Variants in ENTREP2 observed in about 807,000 individuals in gnomAD.
The protein encoded by ENTREP2 is protein ENTREP2.
chr15:29,293,672 G>A, the ENTREP2 span, among the ~76,000 whole-genome samples: 6 of 152,176 alleles, frequency 3.9e-5, no homozygotes, highest in Admixed American at 1.3e-4. Context: ...TGTCCAGGCC[G>A]TCCCCTCTGT....
the ENTREP2 span, among the ~76,000 whole-genome samples, chr15:29,152,843 G>A: frequency 6.6e-6 from 1 of 152,146 alleles, no homozygotes; most frequent in Non-Finnish European, 1.5e-5. Context: ...TGCATGTTTA[G>A]TTTTATTTTA....
At chr15:29,501,151 C>T in the ENTREP2 span, among the ~76,000 whole-genome samples, 1 of 152,028 alleles carries the variant, frequency 6.6e-6, no homozygotes, top group Non-Finnish European at 1.5e-5. Context: ...AACATTATTT[C>T]TCAAACTCTT....
At chr15:29,292,756 A>G in the ENTREP2 span, among the ~76,000 whole-genome samples, 2 of 152,212 alleles carry the variant, frequency 1.3e-5, no homozygotes, top group East Asian at 3.9e-4. Context: ...TGGAAAATTT[A>G]TAAGGTCTCC....
chr15:29,308,658 C>G, the ENTREP2 span, among the ~76,000 whole-genome samples: 1 of 152,218 alleles, frequency 6.6e-6, no homozygotes, highest in Admixed American at 6.5e-5. Flanking sequence ...ATATATAAAG[C>G]AGCTGCAGTG....
At chr15:29,498,398 G>A in the ENTREP2 span, among the ~76,000 whole-genome samples, 1 of 151,908 alleles carries the variant, frequency 6.6e-6, no homozygotes, top group Non-Finnish European at 1.5e-5. Flanking sequence ...CCATTGGTTG[G>A]GAGTATGTTG....
At chr15:29,233,894 G>C in the ENTREP2 span, 1 of 1,578,846 alleles carries the variant, frequency 6.3e-7, no homozygotes, top group Non-Finnish European at 8.7e-7. Context: ...TGACATTGTA[G>C]AGGATGTAGA....
At chr15:29,627,180 C>T in the ENTREP2 span, among the ~76,000 whole-genome samples, 2 of 152,130 alleles carry the variant, frequency 1.3e-5, no homozygotes, top group Non-Finnish European at 2.9e-5. Flanking sequence ...CAGCTATGGG[C>T]ACTTTTATTT....
At chr15:29,440,332 T>C in the ENTREP2 span, among the ~76,000 whole-genome samples, 1 of 152,336 alleles carries the variant, frequency 6.6e-6, no homozygotes, top group African/African-American at 2.4e-5. Flanking sequence ...TTTCCTGTTC[T>C]AATGCCAGAT....
the ENTREP2 span, among the ~76,000 whole-genome samples, chr15:29,587,936 G>T: frequency 6.6e-6 from 1 of 152,186 alleles, no homozygotes; most frequent in Non-Finnish European, 1.5e-5. Flanking sequence ...TGGAATTACA[G>T]GTGTGAGCCA....
chr15:29,158,013 G>A, the ENTREP2 span, among the ~76,000 whole-genome samples: 1 of 152,024 alleles, frequency 6.6e-6, no homozygotes, highest in Non-Finnish European at 1.5e-5. Flanking sequence ...CACTGCTCCC[G>A]GCCAATAGCG....
At chr15:29,501,680 G>T in the ENTREP2 span, among the ~76,000 whole-genome samples, 1 of 152,098 alleles carries the variant, frequency 6.6e-6, no homozygotes, top group African/African-American at 2.4e-5. Context: ...AAAAAAGAAT[G>T]CTGTAGGCAA....
the ENTREP2 span, among the ~76,000 whole-genome samples, chr15:29,328,980 T>G: frequency 6.6e-6 from 1 of 152,192 alleles, no homozygotes; most frequent in Non-Finnish European, 1.5e-5. Flanking sequence ...GAACCCTATG[T>G]ATACTATGTG....
At chr15:29,353,689 TCTAAGC>T in the ENTREP2 span, among the ~76,000 whole-genome samples, 1 of 152,168 alleles carries the variant, frequency 6.6e-6, no homozygotes, top group African/African-American at 2.4e-5. Context: ...CTGGCTGTGT[TCTAAGC>T]CTTGCCACCA....
the ENTREP2 span, among the ~76,000 whole-genome samples, chr15:29,444,862 T>C: frequency 6.6e-6 from 1 of 152,194 alleles, no homozygotes; most frequent in Admixed American, 6.5e-5. Flanking sequence ...AGGGGGGCAC[T>C]GGCAGGCGGT....
chr15:29,231,733 A>G, the ENTREP2 span, among the ~76,000 whole-genome samples: 10 of 152,114 alleles, frequency 6.6e-5, no homozygotes, highest in Admixed American at 1.3e-4. Context: ...AAAACGCTTA[A>G]TTTCTTAGTT....
At chr15:29,204,000 C>T in the ENTREP2 span, among the ~76,000 whole-genome samples, 1 of 152,164 alleles carries the variant, frequency 6.6e-6, no homozygotes, top group South Asian at 2.1e-4. Context: ...CTTCAATGAC[C>T]CCAGGGAATA....
the ENTREP2 span, among the ~76,000 whole-genome samples, chr15:29,204,536 C>T: frequency 2.6e-5 from 4 of 152,184 alleles, no homozygotes; most frequent in East Asian, 7.7e-4. Context: ...AGGAAGGAGG[C>T]GCAGCACGGG....
At chr15:29,371,345 C>A in the ENTREP2 span, among the ~76,000 whole-genome samples, 1 of 137,424 alleles carries the variant, frequency 7.3e-6, no homozygotes, top group Non-Finnish European at 1.5e-5. Context: ...ACCACACCCC[C>A]GCAAACACAC....
At chr15:29,200,265 T>G in the ENTREP2 span, among the ~76,000 whole-genome samples, 1 of 152,104 alleles carries the variant, frequency 6.6e-6, no homozygotes, top group African/African-American at 2.4e-5. Flanking sequence ...AACCTCCGCC[T>G]CCCGGGTTCA....
Sources: gnomAD v4.1 joint callset for allele counts (sites outside exome capture counted in the v4.1 genomes callset) on GRCh38, gnomAD v4.1.1 for gene constraint, MANE v1.5 for transcripts, NCBI Gene and HGNC (gene_info 2026-07-23, HGNC 2026-07-21) for gene names.